Variants in SFMBT2 observed in about 807,000 individuals in gnomAD.
SFMBT2 encodes Scm like with four mbt domains 2, also known as scm-like with four MBT domains protein 2.
SFMBT2 carries 38 observed loss-of-function variants against 110.1 expected under a neutral mutation model. That is an observed-to-expected ratio of 0.35 (90% CI 0.27 to 0.45). The LOEUF is 0.45. Ranked by LOEUF, SFMBT2 falls within the 20% of genes least tolerant of loss-of-function variation. The pLI, the probability that SFMBT2 is intolerant of heterozygous loss-of-function variation, is 1.00. For missense variants in SFMBT2, 1,011 were observed against 1,094.9 expected (o/e 0.92, Z 1.08); for synonymous variants, 425 against 425.4 (o/e 1.00, Z 0.01).
intron 7 of SFMBT2, among the ~76,000 whole-genome samples, chr10:7,256,141 T>A (rs1841000662): frequency 6.6e-6 from 1 of 152,064 alleles, no homozygotes; most frequent in Admixed American, 6.5e-5. Context: ...TTTAGAGAGA[T>A]GAAGTTATCT....
At chr10:7,268,610 A>T (rs1341626967) in intron 7 of SFMBT2, among the ~76,000 whole-genome samples, 1 of 151,920 alleles carries the variant, frequency 6.6e-6, no homozygotes, top group African/African-American at 2.4e-5. Flanking sequence ...TCTTGGGTTC[A>T]AGTGATTCTT....
At chr10:7,409,755 G>GT (rs961508628) in intron 1 of SFMBT2, among the ~76,000 whole-genome samples, 3 of 151,838 alleles carry the variant, frequency 2.0e-5, no homozygotes, top group African/African-American at 7.3e-5. Flanking sequence ...CTTCAGCTGG[G>GT]TTTTTTCCCA....
At chr10:7,225,298 G>A (rs896823912) in intron 10 of SFMBT2, among the ~76,000 whole-genome samples, 3 of 152,072 alleles carry the variant, frequency 2.0e-5, no homozygotes, top group Non-Finnish European at 2.9e-5. Flanking sequence ...TTACTGTGTC[G>A]ATTCCTTTCA....
At chr10:7,382,987 C>T (rs1443219913) in intron 1 of SFMBT2, among the ~76,000 whole-genome samples, 2 of 152,186 alleles carry the variant, frequency 1.3e-5, no homozygotes, top group Non-Finnish European at 1.5e-5. Context: ...TCAGACACAG[C>T]TCACATGGTG....
intron 4 of SFMBT2, among the ~76,000 whole-genome samples, chr10:7,358,622 C>T (rs1049149061): frequency 1.2e-4 from 17 of 146,962 alleles, no homozygotes; most frequent in Admixed American, 1.0e-3. Context: ...AATGGAGGCA[C>T]GGCTCTAGAA....
chr10:7,164,214 C>T (rs1365768220), intron 20 of SFMBT2: 7 of 774,216 alleles, frequency 9.0e-6, no homozygotes, highest in Admixed American at 1.2e-4. Context: ...CGGTGAGATA[C>T]GGTCTCTACA....
rs369272537 is a variant in SFMBT2 at position 7,287,240 on chromosome 10, C to T, written c.437-1286G>A. ...GACTACAGGCACCCGCCACCATGCC[C>T]GGCTAATTTTTTGTATTTTTAGTAG... On this transcript the variant is annotated intron_variant, in intron 4 of 20. Transcript: ENST00000397167. 5.9e-5 allele frequency: 9 copies of T among 152,518 alleles called. No homozygotes were observed. In the East Asian group the frequency reaches 9.7e-4, roughly 16 times the overall value. 9.4% of individuals were successfully genotyped at this position (152,518 alleles called of 1,614,324 possible).
At chr10:7,246,945 T>C (rs563790935) in intron 8 of SFMBT2, among the ~76,000 whole-genome samples, 2 of 152,122 alleles carry the variant, frequency 1.3e-5, no homozygotes, top group East Asian at 3.9e-4. Flanking sequence ...TGGAAAAATA[T>C]CCGACAACTG....
Position 7,374,724 on chromosome 10 carries a change from C to T in SFMBT2, c.101-4349G>A, listed in dbSNP as rs76377462. Among the ~76,000 whole-genome samples, 1,051 of 152,216 alleles carry T rather than the reference C, an allele frequency of 6.9e-3. 8 individuals carry two copies. Among genetic ancestry groups the T allele is most frequent in the Middle Eastern group, 0.044 (13 of 294 alleles). The stretch of plus-strand genomic sequence containing the variant: ...TTAAAAAGGTAACCAAAAGTCAGAC[C>T]TAGAATGGGATTTAAAAAAACTCAA... On this transcript the variant is annotated intron_variant, in intron 2 of 20. Transcript: ENST00000397167.
intron 15 of SFMBT2, chr10:7,189,317 T>C (rs1164883824): frequency 3.0e-6 from 1 of 338,522 alleles, no homozygotes. Context: ...CGCCATCCAG[T>C]ATCATATTTC....
intron 7 of SFMBT2, among the ~76,000 whole-genome samples, chr10:7,253,470 T>G (rs1168799290): frequency 1.3e-5 from 2 of 152,208 alleles, no homozygotes; most frequent in Non-Finnish European, 2.9e-5. Flanking sequence ...GTTGAAGAAC[T>G]GGTTGGTGTG....
intron 7 of SFMBT2, among the ~76,000 whole-genome samples, chr10:7,266,754 T>C (rs1039749139): frequency 3.9e-5 from 6 of 152,142 alleles, no homozygotes; most frequent in African/African-American, 1.4e-4. Context: ...GGGACAGAGA[T>C]GGTGGCCTGG....
At chr10:7,179,223 C>A (rs948166467) in intron 16 of SFMBT2, among the ~76,000 whole-genome samples, 1 of 151,748 alleles carries the variant, frequency 6.6e-6, no homozygotes, top group Non-Finnish European at 1.5e-5. Context: ...AGAAAGTAAT[C>A]TTCTGTAGAT....
intron 7 of SFMBT2, among the ~76,000 whole-genome samples, chr10:7,263,280 C>T (rs910864866): frequency 2.0e-4 from 31 of 151,996 alleles, no homozygotes; most frequent in Non-Finnish European, 2.8e-4. Context: ...TCTCCCTCGT[C>T]GCCCAGGCTG....
chr10:7,314,863 G>A (rs983656397), intron 4 of SFMBT2, among the ~76,000 whole-genome samples: 13 of 151,440 alleles, frequency 8.6e-5, no homozygotes, highest in East Asian at 3.9e-4. Context: ...AGCCGAGATC[G>A]TGTCACTGCA....
intron 1 of SFMBT2, among the ~76,000 whole-genome samples, chr10:7,397,416 A>G (rs1392078883): frequency 6.6e-6 from 1 of 151,794 alleles, no homozygotes; most frequent in Non-Finnish European, 1.5e-5. Flanking sequence ...TATTCTCCCA[A>G]TCAAAATAAA....
chr10:7,309,920 C>A (rs1842802511), intron 4 of SFMBT2, among the ~76,000 whole-genome samples: 1 of 152,064 alleles, frequency 6.6e-6, no homozygotes, highest in Non-Finnish European at 1.5e-5. Flanking sequence ...CCAGTCTAGA[C>A]CAGGGTTTTT....
chr10:7,329,188 G>A (rs151084317), intron 4 of SFMBT2, among the ~76,000 whole-genome samples: 1 of 152,242 alleles, frequency 6.6e-6, no homozygotes, highest in Admixed American at 6.5e-5. Flanking sequence ...TGTCATGGCT[G>A]AGGCTAAAAT....
chr10:7,178,837 T>C (rs1161427719), intron 16 of SFMBT2, among the ~76,000 whole-genome samples: 2 of 152,208 alleles, frequency 1.3e-5, no homozygotes, highest in African/African-American at 2.4e-5. Flanking sequence ...CAAGCACTTG[T>C]AGGTTTCAAT....
Sources: allele counts gnomAD v4.1 joint callset (sites outside exome capture counted in the v4.1 genomes callset), GRCh38; gene constraint gnomAD v4.1.1; transcripts MANE v1.5; gene names NCBI Gene and HGNC (gene_info 2026-07-23, HGNC 2026-07-21).